The following DMXL1 variants were observed in gnomAD, a reference collection of about 807,000 sequenced individuals.
DMXL1 encodes Dmx like 1.
In DMXL1, 99 loss-of-function variants were observed where a neutral mutation model predicts 319.2. The ratio of observed to expected loss-of-function variants is 0.31; its 90% CI spans 0.26 to 0.37. The LOEUF is 0.37. Among genes scored for constraint, DMXL1 ranks in the 10% least tolerant of loss-of-function variants. The pLI is 1.00. For missense variants in DMXL1, 3,745 were observed against 3,595.6 expected, an observed-to-expected ratio of 1.04 and a Z score of -1.06; for synonymous variants, 1,385 against 1,235.2, an observed-to-expected ratio of 1.12 and a Z score of -2.54.
intron 7 of DMXL1, 31 bp from the exon 8 acceptor site, chr5:119,118,784 T>C: frequency 6.5e-7 from 1 of 1,535,810 alleles, no homozygotes; most frequent in Admixed American, 2.0e-5. Flanking sequence ...GAAATTTGTA[T>C]TTTTGCTTCT....
chr5:119,142,802 A>T (rs745413675), intron 13 of DMXL1, among the ~76,000 whole-genome samples: 11 of 152,126 alleles, frequency 7.2e-5, no homozygotes, highest in Non-Finnish European at 1.3e-4. Flanking sequence ...CCCATGAGTG[A>T]CAGATTGGAT....
rs780874492 is a variant in DMXL1, at chr5:119,244,538, G to C, written c.8884G>C (p.Glu2962Gln). 3.0e-5 allele frequency: 49 copies of C among 1,614,016 alleles called. 1 individual carries two copies. The South Asian group carries it at 5.2e-4, about 17-fold the overall frequency. The change falls in exon 43 of 44, where the codon GAG becomes CAG. Residue 2962 changes from glutamate (E) to glutamine (Q), a missense_variant. Glu to Gln is a conservative substitution (Grantham distance 29). Transcript: ENST00000539542. ...VKAVAVDPTEEYFVTGSAEGN... is the reference protein window; with the variant it reads ...VKAVAVDPTEQYFVTGSAEGN... ...AGCCGTTGCTGTTGATCCAACTGAA[G>C]AGTACTTTGTTACAGGATCTGCCGA... is the stretch of plus-strand genomic sequence containing the variant.
chr5:119,231,981 T>A (rs988837001), intron 38 of DMXL1, among the ~76,000 whole-genome samples: 3 of 152,128 alleles, frequency 2.0e-5, no homozygotes, highest in Non-Finnish European at 4.4e-5. Context: ...TTTTTAAGAT[T>A]TTTTTAAGAG....
chr5:119,113,618 G>C (rs1458650605), intron 5 of DMXL1, among the ~76,000 whole-genome samples: 1 of 152,180 alleles, frequency 6.6e-6, no homozygotes, highest in South Asian at 2.1e-4. Flanking sequence ...CCTGCAGAAA[G>C]TAGAGAGAGT....
intron 19 of DMXL1, among the ~76,000 whole-genome samples, chr5:119,161,909 T>C (rs1468842087): frequency 1.3e-5 from 2 of 152,208 alleles, no homozygotes; most frequent in Non-Finnish European, 2.9e-5. Flanking sequence ...AACACAGAGC[T>C]ACCACCAACG....
At position 119,105,166 on chromosome 5, in the gene DMXL1, T is replaced by C. The variant is rs377638741; in HGVS notation, c.286-14T>C. 2.5e-6 allele frequency: 4 copies of C among 1,579,098 alleles called. No individual in the cohort carries two copies. Among genetic ancestry groups the C allele is most frequent in the Non-Finnish European group, 2.6e-6 (3 of 1,148,888 alleles). ...GCCAATCATAATGGGCTAAATGACT[T>C]TTCTTAATTTTAGGAATTATATAGT... On this transcript the variant is annotated splice_polypyrimidine_tract_variant and intron_variant, in intron 3 of 43. Coordinates refer to ENST00000539542, the MANE Select transcript of DMXL1 (RefSeq NM_001290321.3).
chr5:119,119,934 G>A (rs1022238281), intron 8 of DMXL1, among the ~76,000 whole-genome samples: 1 of 151,942 alleles, frequency 6.6e-6, no homozygotes, highest in Non-Finnish European at 1.5e-5. Flanking sequence ...AGGATGGAGT[G>A]TAGTGGGGCG....
chr5:119,094,930 A>G (rs1755592990), intron 1 of DMXL1, among the ~76,000 whole-genome samples: 1 of 150,520 alleles, frequency 6.6e-6, no homozygotes, highest in Non-Finnish European at 1.5e-5. Context: ...AGTGATGCTC[A>G]CCACAGCCTT....
At chr5:119,150,478 T>A in intron 18 of DMXL1, 57 bp downstream of exon 18, 1 of 1,501,538 alleles carries the variant, frequency 6.7e-7, no homozygotes. Flanking sequence ...AAAATAATTT[T>A]AAATAATTTT....
At chr5:119,208,890 A>C (rs912939360) in intron 34 of DMXL1, among the ~76,000 whole-genome samples, 1 of 152,040 alleles carries the variant, frequency 6.6e-6, no homozygotes, top group African/African-American at 2.4e-5. Context: ...CCAGGCAGCT[A>C]CCAAACTTTT....
intron 13 of DMXL1, among the ~76,000 whole-genome samples, chr5:119,140,292 C>T (rs907729690): frequency 6.6e-6 from 1 of 151,972 alleles, no homozygotes; most frequent in African/African-American, 2.4e-5. Flanking sequence ...TGAAGGAAAT[C>T]GAAACACAAA....
At position 119,071,389 on chromosome 5, in the gene DMXL1, T is replaced by TCCGGGGCTCGGGATGAGTC; in HGVS notation, c.-180_-162dup. 1.7e-6 allele frequency: 1 copy of TCCGGGGCTCGGGATGAGTC among 594,192 alleles called. No homozygotes were observed. Among genetic ancestry groups the TCCGGGGCTCGGGATGAGTC allele is most frequent in the Non-Finnish European group, 2.9e-6 (1 of 348,610 alleles). The allele number at this position is 594,192 out of a possible 1,614,324, so 36.8% of individuals were successfully genotyped here. ...GACCCGCCCCCTCCGGGCCTCGCCC[T>TCCGGGGCTCGGGATGAGTC]CCGGGGCTCGGGATGAGTCGCGGGC... is the stretch of plus-strand genomic sequence containing the variant. On this transcript the variant is annotated 5_prime_UTR_variant, in exon 1 of 44. The change creates a new upstream start codon in the 5' untranslated region. Coordinates refer to ENST00000539542, the MANE Select transcript of DMXL1 (RefSeq NM_001290321.3).
Position 119,146,915 on chromosome 5 carries a change from A to G in DMXL1, c.2648A>G (p.His883Arg). 6.2e-7 allele frequency: 1 copy of G among 1,612,488 alleles called. No individual in the cohort carries two copies. Among genetic ancestry groups the G allele is most frequent in the South Asian group, 1.1e-5 (1 of 90,968 alleles). Residue 883 changes from histidine to arginine, a missense_variant, in exon 16 of 44, where the codon CAC (histidine) becomes CGC (arginine). Around this residue, in one of 4 missense-constraint regions of DMXL1, gnomAD observed 2,096 missense variants for 1,985.4 expected, o/e 1.06. Coordinates refer to ENST00000539542, the MANE Select transcript of DMXL1 (RefSeq NM_001290321.3). The part of the protein sequence containing the change: ...ECTQDNRSLL[H>R]MWNLHLKSIP... ...ACTCAAGACAACCGTTCACTGTTAC[A>G]CATGTGGAATTTACATCTAAAGTCA... is the stretch of plus-strand genomic sequence containing the variant.
chr5:119,182,567 T>C (rs1776968095), intron 28 of DMXL1, among the ~76,000 whole-genome samples: 1 of 152,136 alleles, frequency 6.6e-6, no homozygotes, highest in South Asian at 2.1e-4. Context: ...TATATTTCTT[T>C]CTATATATCT....
In DMXL1 at chr5:119,133,560, A is replaced by G. The variant is rs766524932; in HGVS notation, c.1636A>G (p.Ile546Val). ...TGDANSLCKS[I>V]MMYACTKNVD... is the part of the protein sequence containing the mutation. The stretch of plus-strand genomic sequence containing the variant: ...TGATGCAAACTCTCTCTGTAAAAGC[A>G]TAATGATGTATGCCTGTACCAAGAA... Residue 546 changes from isoleucine (I) to valine (V), a missense_variant, in exon 12 of 44, where the codon ATA becomes GTA. Transcript: ENST00000539542. 1.9e-5 allele frequency: 31 copies of G among 1,614,074 alleles called. No homozygotes were observed. Among genetic ancestry groups the G allele is most frequent in the Admixed American group, 8.3e-5 (5 of 60,004 alleles).
rs143008487 is a variant in DMXL1 at position 119,096,079 on chromosome 5, C to A, written c.88-1900C>A. Among the ~76,000 whole-genome samples, 633 of 152,062 alleles carry A rather than the reference C, an allele frequency of 4.2e-3. 3 individuals carry two copies. The highest frequency in any genetic ancestry group is 0.014 in the African/African-American group (599 of 41,466). ...GATTTTCTTTTCCATATAGCACATT[C>A]ATTTGTATGTTCTCTCAAGTCCCAT... On this transcript the variant is annotated intron_variant, in intron 1 of 43. Transcript: ENST00000539542.
At chr5:119,238,894 C>A in intron 40 of DMXL1, 95 bp from the exon 41 acceptor site, 1 of 1,517,724 alleles carries the variant, frequency 6.6e-7, no homozygotes, top group Non-Finnish European at 8.8e-7. Context: ...TTTAAGAAAG[C>A]CAGAAACTAC....
In DMXL1 at chr5:119,187,609, C is replaced by A. The variant is rs577714298; in HGVS notation, c.7136-2099C>A. Among the ~76,000 whole-genome samples the A allele has an allele frequency of 7.2e-5, 11 of 152,276 alleles. No individual in the cohort carries two copies. The South Asian group carries it at 2.3e-3, about 32-fold the overall frequency. On this transcript the variant is annotated intron_variant, in intron 28 of 43. Transcript: ENST00000539542. ...CATCTAAAGTAATACACATTCATTA[C>A]TGTGAAACTGCCGATTTTTTTTCCT...
chr5:119,240,417 A>G lies in DMXL1; in HGVS notation c.8652-2A>G. 1 of 1,582,078 alleles carries G rather than the reference A, an allele frequency of 6.3e-7. No homozygotes were observed. The highest frequency in any genetic ancestry group is 8.6e-7 in the Non-Finnish European group (1 of 1,165,854). ...AGAAGTAATCTTTTTTTTTTTTTCC[A>G]GAAACGTATGTTTGTGGGATACTCT... On this transcript the variant is annotated splice_acceptor_variant, in intron 41 of 43. Coordinates refer to ENST00000539542, the MANE Select transcript of DMXL1 (RefSeq NM_001290321.3). LOFTEE classifies it high-confidence loss of function.
Sources: allele counts gnomAD v4.1 joint callset (sites outside exome capture counted in the v4.1 genomes callset), GRCh38; gene constraint gnomAD v4.1.1; regional missense constraint gnomAD v4.1.1; transcripts MANE v1.5; gene names NCBI Gene and HGNC (gene_info 2026-07-23, HGNC 2026-07-21).